Variants in AIFM3 observed in about 807,000 individuals in gnomAD.
The protein encoded by AIFM3 is AIF family member 3.
Under a neutral mutation model 82.7 loss-of-function variants are expected in AIFM3, and 71 were observed. The ratio of observed to expected loss-of-function variants is 0.86; its 90% CI spans 0.71 to 1.05. The LOEUF is 1.05. Ranked by LOEUF, AIFM3 falls within the 50% of genes least tolerant of loss-of-function variation. The probability of loss-of-function intolerance (pLI) is 0.00; values close to 1 mark genes in which losing one functional copy is unlikely to be tolerated. For synonymous variants in AIFM3, 337 were observed against 329.1 expected (o/e 1.02, Z -0.26); for missense variants, 748 against 816.7 (o/e 0.92, Z 1.03).
At chr22:20,967,445 G>A (rs1922960725) in intron 1 of AIFM3, 142 bp downstream of exon 1, 1 of 162,562 alleles carries the variant, frequency 6.2e-6, no homozygotes, top group South Asian at 1.7e-4. Context: ...AGGCATAGTG[G>A]TCTCCCGGGA....
chr22:20,973,910 C>A, intron 4 of AIFM3, 43 bp downstream of exon 4: 1 of 1,487,786 alleles, frequency 6.7e-7, no homozygotes, highest in Non-Finnish European at 9.0e-7. Context: ...CTTCCAGGCC[C>A]CATGCCAGCT....
chr22:20,965,177 G>GT (rs1440103682), upstream of AIFM3: 13 of 147,380 alleles, frequency 8.8e-5, no homozygotes, highest in African/African-American at 3.2e-4. Flanking sequence ...GCCCCAAGCG[G>GT]TTCCCGAGCC....
chr22:20,972,847 C>T (rs934142345), intron 2 of AIFM3, among the ~76,000 whole-genome samples: 5 of 152,168 alleles, frequency 3.3e-5, no homozygotes, highest in Admixed American at 1.3e-4. Flanking sequence ...GAGTTTGAGA[C>T]CAGCCTGGCC....
intron 2 of AIFM3, among the ~76,000 whole-genome samples, chr22:20,972,429 AAATTATGCTGTG>A (rs1923330041): frequency 6.6e-6 from 1 of 152,024 alleles, no homozygotes; most frequent in South Asian, 2.1e-4. Context: ...GAAGAAGTTG[AAATTATGCTGTG>A]AATTATGCTG....
intron 9 of AIFM3, 141 bp downstream of exon 9, chr22:20,975,919 A>G: frequency 1.0e-6 from 1 of 957,478 alleles, no homozygotes; most frequent in Non-Finnish European, 1.6e-6. Context: ...CAGGCTTGGG[A>G]GACAGCAAGG....
chr22:20,981,206 G>A lies in AIFM3; in HGVS notation c.*175G>A. ...TGGGAGGCCTCTGCTGGATCCAGAA[G>A]ATGCTCAACCCTCAAGGCCTCTGCT... On this transcript the variant is annotated 3_prime_UTR_variant, in exon 21 of 21. Coordinates refer to ENST00000440238, the MANE Select transcript of AIFM3 (RefSeq NM_001386814.1). 1 of 827,454 alleles carries A rather than the reference G, an allele frequency of 1.2e-6. No homozygotes were observed. Among genetic ancestry groups the A allele is most frequent in the Admixed American group, 2.6e-5 (1 of 39,178 alleles). 51.3% of individuals were successfully genotyped at this position (827,454 alleles called of 1,614,324 possible).
chr22:20,972,076 A>G (rs1923302954), intron 2 of AIFM3, among the ~76,000 whole-genome samples: 1 of 152,224 alleles, frequency 6.6e-6, no homozygotes, highest in Non-Finnish European at 1.5e-5. Context: ...TTAGTGATGA[A>G]GGATTCTCAA....
intron 2 of AIFM3, among the ~76,000 whole-genome samples, chr22:20,972,031 A>G (rs1923300640): frequency 6.6e-6 from 1 of 150,810 alleles, no homozygotes. Flanking sequence ...GTTCACCCCC[A>G]GGGCACACGA....
chr22:20,978,834 G>A (rs1050692211), intron 16 of AIFM3, among the ~76,000 whole-genome samples: 4 of 152,026 alleles, frequency 2.6e-5, no homozygotes, highest in Admixed American at 1.3e-4. Context: ...GGGTCTACTG[G>A]GGCCTCATAG....
intron 14 of AIFM3, 61 bp from the exon 15 acceptor site, chr22:20,977,639 T>A (rs1569150007): frequency 1.2e-6 from 2 of 1,602,044 alleles, no homozygotes; most frequent in East Asian, 4.5e-5. Context: ...CTGTAGGGTG[T>A]GGAGAGTGAC....
chr22:20,968,520 A>G (rs1016981933), intron 2 of AIFM3, among the ~76,000 whole-genome samples: 4 of 151,998 alleles, frequency 2.6e-5, no homozygotes, highest in African/African-American at 9.7e-5. Flanking sequence ...TTCTGGGCAC[A>G]CTTCCCCATT....
At chr22:20,970,784 G>A (rs2147937305) in intron 2 of AIFM3, among the ~76,000 whole-genome samples, 1 of 152,144 alleles carries the variant, frequency 6.6e-6, no homozygotes, top group African/African-American at 2.4e-5. Flanking sequence ...TAAATTTTTT[G>A]TAGAGACTGC....
chr22:20,977,517 T>C (rs571595923), intron 14 of AIFM3, 183 bp from the exon 15 acceptor site: 13 of 676,924 alleles, frequency 1.9e-5, no homozygotes, highest in African/African-American at 1.8e-4. Context: ...TCTGAGGTCT[T>C]GCGGGAGGCA....
At chr22:20,970,251 C>G (rs1923185393) in intron 2 of AIFM3, among the ~76,000 whole-genome samples, 1 of 152,186 alleles carries the variant, frequency 6.6e-6, no homozygotes, top group African/African-American at 2.4e-5. Flanking sequence ...TCAGCATTCA[C>G]TGTCACCAAC....
rs541959282 is a variant in AIFM3, at chr22:20,980,099, C to T, written c.1732C>T (p.Arg578Cys). The part of the protein sequence containing the change: ...SKVAEVLASG[R>C]AIRKREVELF... ...GGTCGCTGAGGTGCTGGCCTCAGGC[C>T]GTGCCATCCGGAAGCGGGAGGTGGA... The change falls in exon 19 of 21, where the codon CGT (arginine) becomes TGT (cysteine). Residue 578 changes from arginine (R) to cysteine (C), a missense_variant. Transcript: ENST00000440238. 5 of 1,609,476 alleles carry T rather than the reference C, an allele frequency of 3.1e-6. No individual in the cohort carries two copies. Among genetic ancestry groups the T allele is most frequent in the South Asian group, 1.1e-5 (1 of 91,086 alleles).
At chr22:20,979,755 A>AG (rs986850133) in intron 18 of AIFM3, 53 bp downstream of exon 18, 1 of 1,600,764 alleles carries the variant, frequency 6.2e-7, no homozygotes, top group Non-Finnish European at 8.6e-7. Flanking sequence ...TCAGTCGGGA[A>AG]GGGGGATTCA....
At chr22:20,968,041 C>A (rs1331751852) in intron 2 of AIFM3, 66 bp downstream of exon 2, 4 of 1,488,368 alleles carry the variant, frequency 2.7e-6, no homozygotes, top group Admixed American at 3.9e-5. Context: ...CCCGTCTCCC[C>A]CCCCTCCCCC....
chr22:20,968,080 T>C, intron 2 of AIFM3, 105 bp downstream of exon 2: 2 of 1,183,086 alleles, frequency 1.7e-6, no homozygotes, highest in Non-Finnish European at 2.4e-6. Context: ...CCGAAGTAGG[T>C]CAGGCTATCC....
upstream of AIFM3, chr22:20,965,195 G>A (rs1329437929): frequency 2.9e-5 from 4 of 139,846 alleles, no homozygotes; most frequent in African/African-American, 7.8e-5. Context: ...GCCCAGGCCC[G>A]CGCCGAGCCC....
Sources: gnomAD v4.1 joint callset for allele counts (sites outside exome capture counted in the v4.1 genomes callset) on GRCh38, gnomAD v4.1.1 for gene constraint, MANE v1.5 for transcripts, NCBI Gene and HGNC (gene_info 2026-07-23, HGNC 2026-07-21) for gene names.